Variants in EPHA6 observed in about 807,000 individuals in gnomAD.
EPHA6 encodes the protein EPH receptor A6, also known as ephrin type-A receptor 6.
Under a neutral mutation model 112.0 loss-of-function variants are expected in EPHA6, and 50 were observed. The observed-to-expected ratio is 0.45, with a 90% CI of 0.36 to 0.56. The LOEUF (loss-of-function observed/expected upper bound fraction) is 0.56. EPHA6 is among the 20% of genes least tolerant of loss of function. EPHA6 has a pLI of 0.00. For missense variants in EPHA6, 1,280 were observed against 1,417.4 expected (o/e 0.90, Z 1.56); for synonymous variants, 529 against 490.7 (o/e 1.08, Z -1.03).
At chr3:96,966,658 A>C (rs1322629677) in intron 2 of EPHA6, among the ~76,000 whole-genome samples, 2 of 152,034 alleles carry the variant, frequency 1.3e-5, no homozygotes, top group African/African-American at 2.4e-5. Context: ...ATTTTCCAGA[A>C]TTGATTAAGG....
At chr3:97,350,808 C>A (rs992638338) in intron 5 of EPHA6, among the ~76,000 whole-genome samples, 2 of 150,770 alleles carry the variant, frequency 1.3e-5, no homozygotes, top group African/African-American at 4.9e-5. Flanking sequence ...ATTGTTTCTA[C>A]ATCTGAAGCC....
chr3:97,665,299 A>T (rs908981008), intron 14 of EPHA6, among the ~76,000 whole-genome samples: 1 of 152,228 alleles, frequency 6.6e-6, no homozygotes, highest in South Asian at 2.1e-4. Context: ...CCTTCCTTGC[A>T]CCTTATACAA....
intron 3 of EPHA6, among the ~76,000 whole-genome samples, chr3:97,105,020 G>A (rs1198585285): frequency 1.1e-4 from 17 of 151,534 alleles, no homozygotes; most frequent in Non-Finnish European, 2.5e-4. Flanking sequence ...GTGTTTATAT[G>A]GATCTTCTCT....
At chr3:96,893,361 T>C (rs896620576) in intron 2 of EPHA6, among the ~76,000 whole-genome samples, 2 of 152,234 alleles carry the variant, frequency 1.3e-5, no homozygotes, top group African/African-American at 4.8e-5. Flanking sequence ...CTCATGTTTA[T>C]TGTGTCTCTT....
intron 1 of EPHA6, among the ~76,000 whole-genome samples, chr3:96,837,855 G>A (rs2034510634): frequency 6.6e-6 from 1 of 151,758 alleles, no homozygotes; most frequent in South Asian, 2.1e-4. Context: ...ATGTATCTTG[G>A]AGTTTTTTAT....
At chr3:97,589,127 A>T (rs917313390) in intron 11 of EPHA6, among the ~76,000 whole-genome samples, 1 of 151,640 alleles carries the variant, frequency 6.6e-6, no homozygotes, top group Non-Finnish European at 1.5e-5. Flanking sequence ...TTCTTAAAAT[A>T]TTATGAGGTT....
At chr3:97,414,507 G>A (rs111508773) in intron 6 of EPHA6, among the ~76,000 whole-genome samples, 60 of 152,038 alleles carry the variant, frequency 3.9e-4, no homozygotes, top group African/African-American at 1.4e-3. Context: ...CTATTACAAC[G>A]AAACTGTTTT....
chr3:97,592,525 G>A (rs1269674346), intron 11 of EPHA6, 87 bp from the exon 12 acceptor site: 3 of 1,491,654 alleles, frequency 2.0e-6, no homozygotes, highest in Admixed American at 3.9e-5. Flanking sequence ...TGATGTCTTT[G>A]TTGATTTTAG....
intron 11 of EPHA6, among the ~76,000 whole-genome samples, chr3:97,535,375 T>A (rs1412734629): frequency 6.6e-6 from 1 of 152,116 alleles, no homozygotes; most frequent in Non-Finnish European, 1.5e-5. Flanking sequence ...AAAGGATAGA[T>A]TCAGTATACT....
intron 3 of EPHA6, among the ~76,000 whole-genome samples, chr3:97,001,005 CA>C (rs149061567): frequency 0.014 from 1,204 of 88,924 alleles, 22 homozygotes; most frequent in African/African-American, 0.065. Flanking sequence ...CTCTCCAGCC[CA>C]GTCAGAAATT....
intron 3 of EPHA6, among the ~76,000 whole-genome samples, chr3:97,037,479 A>G (rs9821125): frequency 0.018 from 2,774 of 152,166 alleles, 72 homozygotes; most frequent in African/African-American, 0.052. Context: ...GACATTTGCA[A>G]GAGAATACTG....
chr3:97,284,933 A>C (rs2080416039), intron 5 of EPHA6, among the ~76,000 whole-genome samples: 1 of 152,168 alleles, frequency 6.6e-6, no homozygotes, highest in African/African-American at 2.4e-5. Context: ...TATATAACTG[A>C]CATCTTGTAT....
intron 6 of EPHA6, among the ~76,000 whole-genome samples, chr3:97,427,546 G>T (rs1330617581): frequency 6.6e-6 from 1 of 152,110 alleles, no homozygotes; most frequent in East Asian, 1.9e-4. Flanking sequence ...GGAGGGTGAA[G>T]AGTGGGAGGA....
chr3:97,467,891 A>G (rs955084522), intron 7 of EPHA6, among the ~76,000 whole-genome samples: 3 of 151,690 alleles, frequency 2.0e-5, no homozygotes, highest in Admixed American at 6.6e-5. Flanking sequence ...AAAGTCAGAA[A>G]ATACTTCATT....
chr3:97,660,705 G>A (rs1044859311), intron 14 of EPHA6, among the ~76,000 whole-genome samples: 6 of 152,056 alleles, frequency 3.9e-5, no homozygotes, highest in Non-Finnish European at 8.8e-5. Flanking sequence ...ACAATATCTG[G>A]AGAGTATTCT....
At position 97,694,058 on chromosome 3, in the gene EPHA6, A is replaced by T. The variant is rs561084104; in HGVS notation, c.2785-26203A>T. ...TACTTGCCCTTTATTTTAGCTATTTAAATCACAAATGGTCCCCTATTAACT... is the reference window on the plus strand; with the variant it reads ...TACTTGCCCTTTATTTTAGCTATTTTAATCACAAATGGTCCCCTATTAACT... On this transcript the variant is annotated intron_variant, in intron 14 of 17. Transcript: ENST00000389672. Among the ~76,000 whole-genome samples, 5 of 152,196 alleles carry T rather than the reference A, an allele frequency of 3.3e-5. No individual in the cohort carries two copies. The South Asian group carries it at 1.0e-3, about 32-fold the overall frequency.
intron 2 of EPHA6, among the ~76,000 whole-genome samples, chr3:96,939,599 A>C (rs1431219403): frequency 6.6e-6 from 1 of 151,950 alleles, no homozygotes; most frequent in Non-Finnish European, 1.5e-5. Flanking sequence ...GTGTCTCTAT[A>C]TCCTTCAGTT....
chr3:97,638,598 G>A (rs938838537), intron 14 of EPHA6, among the ~76,000 whole-genome samples: 2 of 152,142 alleles, frequency 1.3e-5, no homozygotes, highest in Non-Finnish European at 2.9e-5. Flanking sequence ...TGGAGAAAAT[G>A]TGAGCTGAAA....
intron 14 of EPHA6, among the ~76,000 whole-genome samples, chr3:97,698,225 C>T (rs1260898517): frequency 6.6e-6 from 1 of 152,200 alleles, no homozygotes; most frequent in Non-Finnish European, 1.5e-5. Context: ...TGGTCTGGAA[C>T]TCCTGACCTC....
Sources: gnomAD v4.1 joint callset for allele counts (sites outside exome capture counted in the v4.1 genomes callset) on GRCh38, gnomAD v4.1.1 for gene constraint, MANE v1.5 for transcripts, NCBI Gene and HGNC (gene_info 2026-07-23, HGNC 2026-07-21) for gene names.